Variants in LINGO2 observed in about 807,000 individuals in gnomAD.
LINGO2 encodes leucine rich repeat and Ig domain containing 2.
LINGO2 carries 14 observed loss-of-function variants against 30.6 expected under a neutral mutation model. That is an observed-to-expected ratio of 0.46 (90% CI 0.30 to 0.72). LINGO2 has a LOEUF of 0.72. LINGO2 is among the 30% of genes least tolerant of loss of function. LINGO2 has a pLI of 0.07. For missense variants in LINGO2, 729 were observed against 751.7 expected, an observed-to-expected ratio of 0.97 and a Z score of 0.35; for synonymous variants, 317 against 288.5, an observed-to-expected ratio of 1.10 and a Z score of -1.00.
At chr9:28,918,304 C>A in the LINGO2 span, among the ~76,000 whole-genome samples, 3 of 152,064 alleles carry the variant, frequency 2.0e-5, no homozygotes, top group Non-Finnish European at 2.9e-5. Flanking sequence ...GGAAAACCAC[C>A]CCCCCAGGGT....
intron 4 of LINGO2, among the ~76,000 whole-genome samples, chr9:28,180,311 G>C (rs1235564894): frequency 6.6e-6 from 1 of 152,154 alleles, no homozygotes; most frequent in Non-Finnish European, 1.5e-5. Context: ...CAGCAGTACT[G>C]TACTAGAGCA....
At chr9:28,935,438 G>A in the LINGO2 span, among the ~76,000 whole-genome samples, 1 of 152,018 alleles carries the variant, frequency 6.6e-6, no homozygotes, top group African/African-American at 2.4e-5. Flanking sequence ...CAAAGAGACT[G>A]GGAGAGTAGA....
intron 2 of LINGO2, among the ~76,000 whole-genome samples, chr9:28,414,594 C>T (rs1822898181): frequency 6.6e-6 from 1 of 151,918 alleles, no homozygotes; most frequent in Admixed American, 6.6e-5. Context: ...TGTTTAAAAC[C>T]TTTAGAGTCC....
intron 2 of LINGO2, among the ~76,000 whole-genome samples, chr9:28,450,077 T>C (rs879464896): frequency 6.6e-6 from 1 of 152,014 alleles, no homozygotes; most frequent in Non-Finnish European, 1.5e-5. Context: ...GTCTTGTGGA[T>C]TGAATTTCCC....
intron 5 of LINGO2, among the ~76,000 whole-genome samples, chr9:27,976,827 C>T (rs1332510945): frequency 6.6e-6 from 1 of 152,032 alleles, no homozygotes; most frequent in Non-Finnish European, 1.5e-5. Context: ...GAGTAGATGC[C>T]AGGCTGGGAG....
chr9:27,998,166 C>T (rs1372671675), intron 5 of LINGO2, among the ~76,000 whole-genome samples: 3 of 150,724 alleles, frequency 2.0e-5, no homozygotes, highest in African/African-American at 7.3e-5. Context: ...CCTATGTCTA[C>T]ATTGACCAAC....
At chr9:28,454,132 G>A (rs1359839716) in intron 2 of LINGO2, among the ~76,000 whole-genome samples, 1 of 152,000 alleles carries the variant, frequency 6.6e-6, no homozygotes, top group East Asian at 1.9e-4. Flanking sequence ...AGGTAAGTAA[G>A]AGGCTGGAAT....
the LINGO2 span, among the ~76,000 whole-genome samples, chr9:29,014,682 C>T: frequency 2.6e-5 from 4 of 152,108 alleles, no homozygotes; most frequent in Non-Finnish European, 5.9e-5. Context: ...CACAACTACA[C>T]TTAGATATAA....
intron 4 of LINGO2, among the ~76,000 whole-genome samples, chr9:28,156,249 C>G (rs1828127845): frequency 6.6e-6 from 1 of 152,058 alleles, no homozygotes; most frequent in Non-Finnish European, 1.5e-5. Context: ...GCATATCCTC[C>G]CTAAACGTGA....
chr9:29,128,418 C>G, the LINGO2 span, among the ~76,000 whole-genome samples: 1 of 152,118 alleles, frequency 6.6e-6, no homozygotes, highest in Non-Finnish European at 1.5e-5. Flanking sequence ...ACCCTGATAA[C>G]CTAAGGAGGA....
At chr9:28,757,731 T>C in the LINGO2 span, among the ~76,000 whole-genome samples, 1 of 151,926 alleles carries the variant, frequency 6.6e-6, no homozygotes, top group African/African-American at 2.4e-5. Flanking sequence ...TAACTTCCCC[T>C]GGAGTCCAGG....
At chr9:28,776,548 G>GA in the LINGO2 span, among the ~76,000 whole-genome samples, 27 of 152,142 alleles carry the variant, frequency 1.8e-4, no homozygotes, top group East Asian at 4.1e-3. Flanking sequence ...CTTCTCAAAA[G>GA]AAAAAATATT....
chr9:29,134,689 T>C, the LINGO2 span, among the ~76,000 whole-genome samples: 995 of 152,226 alleles, frequency 6.5e-3, 15 homozygotes, highest in African/African-American at 0.023. Context: ...CCATTATTCA[T>C]AGTAATTTAG....
intron 2 of LINGO2, among the ~76,000 whole-genome samples, chr9:28,398,879 T>C (rs2134732481): frequency 6.6e-6 from 1 of 152,310 alleles, no homozygotes; most frequent in East Asian, 1.9e-4. Context: ...ACTTAACCCC[T>C]TTTCGTCTTA....
intron 1 of LINGO2, among the ~76,000 whole-genome samples, chr9:28,588,226 A>T (rs1824666207): frequency 1.3e-5 from 2 of 151,658 alleles, no homozygotes; most frequent in Admixed American, 1.3e-4. Flanking sequence ...CCTCCCACCT[A>T]TGTGGAAGAG....
At chr9:28,364,012 C>T (rs1009465889) in intron 3 of LINGO2, among the ~76,000 whole-genome samples, 4 of 151,056 alleles carry the variant, frequency 2.6e-5, no homozygotes, top group Admixed American at 1.3e-4. Flanking sequence ...TTTCTGTATT[C>T]GCTTTTTGGG....
intron 4 of LINGO2, among the ~76,000 whole-genome samples, chr9:28,043,357 G>C (rs994746673): frequency 6.6e-6 from 1 of 152,154 alleles, no homozygotes; most frequent in African/African-American, 2.4e-5. Flanking sequence ...AATAACTCAA[G>C]TGAACTGACT....
At chr9:28,090,255 A>C (rs1378331561) in intron 4 of LINGO2, among the ~76,000 whole-genome samples, 1 of 152,186 alleles carries the variant, frequency 6.6e-6, no homozygotes, top group Non-Finnish European at 1.5e-5. Context: ...ACAGAAACAC[A>C]ACAAAAAAAG....
intron 1 of LINGO2, among the ~76,000 whole-genome samples, chr9:28,556,805 A>C (rs1163147867): frequency 6.6e-6 from 1 of 152,080 alleles, no homozygotes; most frequent in African/African-American, 2.4e-5. Flanking sequence ...AGAGATATAG[A>C]TCAATGGAAC....
Sources: allele counts gnomAD v4.1 joint callset (sites outside exome capture counted in the v4.1 genomes callset), GRCh38; gene constraint gnomAD v4.1.1; transcripts MANE v1.5; gene names NCBI Gene and HGNC (gene_info 2026-07-23, HGNC 2026-07-21).